The following ENTREP2 variants were observed in gnomAD, a reference collection of about 807,000 sequenced individuals.
ENTREP2 encodes the protein protein ENTREP2.
the ENTREP2 span, among the ~76,000 whole-genome samples, chr15:29,208,610 C>G: frequency 6.6e-6 from 1 of 152,284 alleles, no homozygotes; most frequent in African/African-American, 2.4e-5. Context: ...AAAATTAATA[C>G]GAACAACTTC....
At chr15:29,465,848 G>A in the ENTREP2 span, among the ~76,000 whole-genome samples, 8 of 152,096 alleles carry the variant, frequency 5.3e-5, no homozygotes, top group Admixed American at 2.6e-4. Context: ...TTCTTCTTTC[G>A]AGACATCAGG....
chr15:29,635,657 C>A, the ENTREP2 span, among the ~76,000 whole-genome samples: 2 of 152,132 alleles, frequency 1.3e-5, no homozygotes, highest in Non-Finnish European at 2.9e-5. Context: ...TAGGCCTCTC[C>A]CTGTGAGTTC....
chr15:29,397,239 C>T, the ENTREP2 span, among the ~76,000 whole-genome samples: 1 of 151,876 alleles, frequency 6.6e-6, no homozygotes, highest in Non-Finnish European at 1.5e-5. Context: ...AAAATACAAA[C>T]AATTAGCCAG....
At chr15:29,258,941 C>T in the ENTREP2 span, among the ~76,000 whole-genome samples, 90,974 of 152,074 alleles carry the variant, frequency 0.6, 27,226 homozygotes, top group South Asian at 0.64. Context: ...CAAGGCTATT[C>T]GAATAATATT....
At chr15:29,161,495 A>G in the ENTREP2 span, among the ~76,000 whole-genome samples, 1 of 152,208 alleles carries the variant, frequency 6.6e-6, no homozygotes, top group South Asian at 2.1e-4. Context: ...AAGTAACAGT[A>G]AACAGTAACA....
At chr15:29,464,274 A>AG in the ENTREP2 span, among the ~76,000 whole-genome samples, 78,094 of 151,898 alleles carry the variant, frequency 0.51, 21,387 homozygotes, top group African/African-American at 0.73. Context: ...AAAAGAATAA[A>AG]GAAAAGAAGG....
chr15:29,451,142 G>C, the ENTREP2 span, among the ~76,000 whole-genome samples: 6 of 152,212 alleles, frequency 3.9e-5, no homozygotes, highest in African/African-American at 7.2e-5. Context: ...AAATAAGTAA[G>C]AGTAACTGTC....
chr15:29,563,355 AT>A, the ENTREP2 span, among the ~76,000 whole-genome samples: 1 of 150,656 alleles, frequency 6.6e-6, no homozygotes, highest in African/African-American at 2.4e-5. Context: ...TTTTTTTATT[AT>A]TTTTCTCCTT....
At chr15:29,126,088 G>A in the ENTREP2 span, among the ~76,000 whole-genome samples, 17 of 152,216 alleles carry the variant, frequency 1.1e-4, no homozygotes, top group Admixed American at 6.5e-4. Context: ...GGGTGCAGAG[G>A]GGCCCACAGG....
the ENTREP2 span, among the ~76,000 whole-genome samples, chr15:29,367,281 A>C: frequency 3.3e-5 from 5 of 152,184 alleles, no homozygotes; most frequent in African/African-American, 1.2e-4. Flanking sequence ...GAAGGGAACA[A>C]AGCTGGATCT....
chr15:29,626,976 G>C, the ENTREP2 span, among the ~76,000 whole-genome samples: 1 of 152,122 alleles, frequency 6.6e-6, no homozygotes, highest in Non-Finnish European at 1.5e-5. Context: ...CAAAGAGCCA[G>C]CTTTTTCTTT....
the ENTREP2 span, among the ~76,000 whole-genome samples, chr15:29,332,265 A>T: frequency 6.6e-6 from 1 of 152,194 alleles, no homozygotes; most frequent in Non-Finnish European, 1.5e-5. Flanking sequence ...AAAAAAAAAG[A>T]TGAAATCATC....
the ENTREP2 span, among the ~76,000 whole-genome samples, chr15:29,468,257 T>C: frequency 6.6e-6 from 1 of 152,110 alleles, no homozygotes; most frequent in Admixed American, 6.5e-5. Flanking sequence ...ATAAGCTGGT[T>C]CTGGGGGTGG....
At chr15:29,505,043 T>C in the ENTREP2 span, among the ~76,000 whole-genome samples, 6 of 152,248 alleles carry the variant, frequency 3.9e-5, no homozygotes, top group African/African-American at 9.6e-5. This position sits in a 1 kb window ranked among gnomAD's most constrained non-coding sequence, Gnocchi z 4.3. Context: ...AACAACTGTT[T>C]GTTAAATTGG....
the ENTREP2 span, among the ~76,000 whole-genome samples, chr15:29,209,129 T>G: frequency 6.6e-6 from 1 of 152,040 alleles, no homozygotes; most frequent in African/African-American, 2.4e-5. Flanking sequence ...CTGTCAAGAG[T>G]TACTAGGTTC....
chr15:29,250,043 C>G, the ENTREP2 span, among the ~76,000 whole-genome samples: 1 of 152,168 alleles, frequency 6.6e-6, no homozygotes, highest in Non-Finnish European at 1.5e-5. Flanking sequence ...ATCCAATCAC[C>G]TCCCAGCAGT....
chr15:29,598,766 G>A, the ENTREP2 span, among the ~76,000 whole-genome samples: 1 of 151,934 alleles, frequency 6.6e-6, no homozygotes, highest in Admixed American at 6.6e-5. Context: ...GCGTGATCTT[G>A]GCTCACTGCA....
chr15:29,494,039 T>C, the ENTREP2 span, among the ~76,000 whole-genome samples: 1 of 152,120 alleles, frequency 6.6e-6, no homozygotes, highest in East Asian at 1.9e-4. Context: ...TCACTATTAC[T>C]ATTCAATATT....
At chr15:29,271,042 C>G in the ENTREP2 span, among the ~76,000 whole-genome samples, 1 of 152,056 alleles carries the variant, frequency 6.6e-6, no homozygotes, top group Non-Finnish European at 1.5e-5. Context: ...GTTTGTAATT[C>G]AGTAGGAAAA....
Sources: allele counts gnomAD v4.1 joint callset (sites outside exome capture counted in the v4.1 genomes callset), GRCh38; gene constraint gnomAD v4.1.1; non-coding constraint Gnocchi (gnomAD v3.1); transcripts MANE v1.5; gene names NCBI Gene and HGNC (gene_info 2026-07-23, HGNC 2026-07-21).